SHANK2: variants seen among roughly 807,000 people sequenced by gnomAD.
SHANK2 encodes SH3 and multiple ankyrin repeat domains 2.
Under a neutral mutation model 133.7 loss-of-function variants are expected in SHANK2, and 43 were observed. The observed-to-expected ratio is 0.32, with a 90% CI of 0.25 to 0.41. The LOEUF (loss-of-function observed/expected upper bound fraction) is 0.41. SHANK2 is among the 10% of genes least tolerant of loss of function. SHANK2 has a pLI of 1.00. For synonymous variants in SHANK2, 1,017 were observed against 952.8 expected (o/e 1.07, Z -1.24); for missense variants, 1,994 against 2,235.8 (o/e 0.89, Z 2.18).
rs1236777901 is a variant in SHANK2 at position 70,636,755 on chromosome 11, TGAGCATGTGTGTGAGC to T, written c.2061+23057_2061+23072del. 5.4e-3 allele frequency among the ~76,000 whole-genome samples: 288 copies of T among 53,062 alleles called. 3 individuals carry two copies. Among genetic ancestry groups the T allele is most frequent in the African/African-American group, 0.014 (271 of 19,222 alleles). 34.8% of individuals were successfully genotyped at this position (53,062 alleles called of 152,430 possible). ...GTGTGAATATGTGTGAGCATGTGTG[TGAGCATGTGTGTGAGC>T]ATCTGTGTGAGCATGTGTGAGCGTG... On this transcript the variant is annotated intron_variant, in intron 17 of 25. Transcript: ENST00000601538.
At chr11:70,607,181 G>A (rs1405836589) in intron 17 of SHANK2, among the ~76,000 whole-genome samples, 1 of 152,192 alleles carries the variant, frequency 6.6e-6, no homozygotes, top group Non-Finnish European at 1.5e-5. Flanking sequence ...GCCTTTTCAG[G>A]TCTGGGAAGA....
At chr11:71,093,055 G>C (rs11823085) in intron 7 of SHANK2, among the ~76,000 whole-genome samples, 2,546 of 144,680 alleles carry the variant, frequency 0.018, 231 homozygotes, top group African/African-American at 0.061. Flanking sequence ...AAATAAAGGG[G>C]GGGGGGGGCA....
At chr11:71,141,613 G>T (rs1425884160) in intron 3 of SHANK2, among the ~76,000 whole-genome samples, 1 of 152,120 alleles carries the variant, frequency 6.6e-6, no homozygotes. Context: ...TATTAAACCT[G>T]TTTTTTATTA....
chr11:70,879,708 C>T (rs573545806), intron 11 of SHANK2, among the ~76,000 whole-genome samples: 9 of 152,212 alleles, frequency 5.9e-5, no homozygotes, highest in African/African-American at 1.7e-4. Context: ...AAAGGCCATG[C>T]GGGGCCCCCC....
intron 10 of SHANK2, chr11:70,942,987 A>G (rs1235864303): frequency 6.7e-6 from 3 of 450,416 alleles, no homozygotes; most frequent in Non-Finnish European, 1.3e-5. Context: ...TGGGAGACTT[A>G]TGCATGAACC....
rs116616280 is a variant in SHANK2, at chr11:70,739,980, C to A, written c.1778-41217G>T. Among the ~76,000 whole-genome samples the A allele has an allele frequency of 2.7e-3, 414 of 152,360 alleles. 1 individual carries two copies. Among genetic ancestry groups the A allele is most frequent in the African/African-American group, 9.6e-3 (399 of 41,586 alleles). ...GCTTGGCTCCTTCGCCATCAGGAGA[C>A]CTTGGACAGTCACACGACCCAGACC... is the stretch of plus-strand genomic sequence containing the variant. On this transcript the variant is annotated intron_variant, in intron 14 of 25. Transcript: ENST00000601538. The surrounding 1 kb of genome is among the most constrained non-coding windows in gnomAD (Gnocchi z 4.3).
intron 6 of SHANK2, among the ~76,000 whole-genome samples, chr11:71,109,639 G>A (rs558094128): frequency 6.6e-6 from 1 of 152,348 alleles, no homozygotes; most frequent in Non-Finnish European, 1.5e-5. Context: ...GTGTGCCCAA[G>A]GCTGGCACAA....
intron 15 of SHANK2, among the ~76,000 whole-genome samples, chr11:70,690,708 T>C (rs1274023507): frequency 6.8e-6 from 1 of 148,048 alleles, no homozygotes; most frequent in East Asian, 1.9e-4. Flanking sequence ...AATATAAATA[T>C]AAATATAAAT....
intron 21 of SHANK2, chr11:70,495,704 CG>C (rs1463184549): frequency 6.2e-6 from 1 of 161,504 alleles, no homozygotes; most frequent in Non-Finnish European, 1.4e-5. Context: ...GAGGCCTGAG[CG>C]GGGTGCAGCA....
intron 8 of SHANK2, among the ~76,000 whole-genome samples, chr11:71,082,126 C>A (rs1300857170): frequency 6.6e-6 from 1 of 152,218 alleles, no homozygotes; most frequent in Admixed American, 6.5e-5. Context: ...CCTGCCAGCA[C>A]CACAGCCTGG....
intron 9 of SHANK2, among the ~76,000 whole-genome samples, chr11:71,063,315 C>T (rs1027316922): frequency 2.0e-5 from 3 of 152,160 alleles, no homozygotes; most frequent in African/African-American, 4.8e-5. Context: ...GTTTCCCAGA[C>T]GTCAAAAAGA....
intron 10 of SHANK2, among the ~76,000 whole-genome samples, chr11:70,939,780 G>A (rs10793404): frequency 0.28 from 42,027 of 152,044 alleles, 6,755 homozygotes; most frequent in African/African-American, 0.45. Flanking sequence ...CAACGGCCTA[G>A]AAGAGATCAA....
intron 2 of SHANK2, among the ~76,000 whole-genome samples, chr11:71,161,222 G>C (rs1342480811): frequency 2.0e-5 from 3 of 152,194 alleles, no homozygotes; most frequent in Non-Finnish European, 4.4e-5. Flanking sequence ...ACTCTTTGTA[G>C]CAATAAGATA....
intron 8 of SHANK2, among the ~76,000 whole-genome samples, chr11:71,077,020 G>C (rs1477327379): frequency 6.6e-6 from 1 of 152,194 alleles, no homozygotes; most frequent in South Asian, 2.1e-4. Flanking sequence ...GAGAGAAAGA[G>C]AGGAGACAGG....
intron 3 of SHANK2, among the ~76,000 whole-genome samples, chr11:71,126,722 C>T (rs150896665): frequency 0.011 from 1,573 of 143,044 alleles, 32 homozygotes; most frequent in African/African-American, 0.042. Context: ...CCCTCATAAA[C>T]GACTTTTTTT....
At chr11:70,653,878 C>T (rs1332933334) in intron 17 of SHANK2, among the ~76,000 whole-genome samples, 2 of 152,204 alleles carry the variant, frequency 1.3e-5, no homozygotes, top group Non-Finnish European at 2.9e-5. Context: ...AAGTGATCTG[C>T]CTGCCTTGGC....
chr11:70,661,923 C>A, intron 15 of SHANK2: 1 of 1,005,754 alleles, frequency 9.9e-7, no homozygotes, highest in Admixed American at 1.9e-5. Flanking sequence ...GAGCCGGAGC[C>A]AGCCGGAGGA....
chr11:71,210,218 A>ATATATATATATG (rs1954230410), intron 2 of SHANK2, among the ~76,000 whole-genome samples: 1 of 52,200 alleles, frequency 1.9e-5, no homozygotes, highest in African/African-American at 9.3e-5. Context: ...AGGTATATAT[A>ATATATATATATG]TATATATATA....
intron 11 of SHANK2, among the ~76,000 whole-genome samples, chr11:70,847,692 G>C (rs11237691): frequency 6.6e-6 from 1 of 152,050 alleles, no homozygotes; most frequent in African/African-American, 2.4e-5. Context: ...CTCAGGTTCC[G>C]AGTTCACAAG....
Sources: gnomAD v4.1 joint callset for allele counts (sites outside exome capture counted in the v4.1 genomes callset) on GRCh38, gnomAD v4.1.1 for gene constraint, Gnocchi (gnomAD v3.1) non-coding constraint, MANE v1.5 for transcripts, NCBI Gene and HGNC (gene_info 2026-07-23, HGNC 2026-07-21) for gene names.